ARL9: variants seen among roughly 807,000 people sequenced by gnomAD.
The protein encoded by ARL9 is ARF like GTPase 9.
In ARL9, 14 loss-of-function variants were observed where a neutral mutation model predicts 27.0. The ratio of observed to expected loss-of-function variants is 0.52; its 90% CI spans 0.34 to 0.81. The LOEUF (loss-of-function observed/expected upper bound fraction) is 0.81, where lower values mean the gene tolerates loss of function less well. Ranked by LOEUF, ARL9 falls within the 30% of genes least tolerant of loss-of-function variation. ARL9 has a pLI of 0.01. For synonymous variants in ARL9, 106 were observed against 108.7 expected (o/e 0.98, Z 0.15); for missense variants, 294 against 290.0 (o/e 1.01, Z -0.10).
At position 56,505,932 on chromosome 4, in the gene ARL9, G is replaced by C; in HGVS notation, c.70G>C (p.Gly24Arg). The C allele has an allele frequency of 1.6e-6, 2 of 1,236,968 alleles. No individual in the cohort carries two copies. The highest frequency in any genetic ancestry group is 2.0e-6 in the Non-Finnish European group (2 of 988,294). 76.6% of individuals were successfully genotyped at this position (1,236,968 alleles called of 1,614,324 possible). The change falls in exon 1 of 4, where the codon GGT becomes CGT. Residue 24 changes from glycine to arginine, a missense_variant. Coordinates refer to ENST00000640821, the MANE Select transcript of ARL9 (RefSeq NM_001363794.2). ...GCAGGAGGAGAAAATCGGAGAAAAGGGTAGGGAAGAGAAAGTGAAAAGAAA... is the reference window on the plus strand; with the variant it reads ...GCAGGAGGAGAAAATCGGAGAAAAGCGTAGGGAAGAGAAAGTGAAAAGAAA... Reference protein sequence around the residue: ...ETQEEKIGEKGREEKVKRKEV... With the variant: ...ETQEEKIGEKRREEKVKRKEV...
intron 1 of ARL9, among the ~76,000 whole-genome samples, chr4:56,510,774 CT>C (rs11320889): frequency 0.41 from 57,763 of 140,162 alleles, 11,136 homozygotes; most frequent in Admixed American, 0.46. Flanking sequence ...AGTTTTATCC[CT>C]TTTTTTTTTT....
chr4:56,518,817 C>T lies in ARL9; in HGVS notation c.582C>T (p.Asn194=), dbSNP rs1489622043. ...ACCTTCATCAGCTAATTGCAGCAAA[C>T]CCAGTACTTCCTCTGGTTGTGTTTG... ...KKYLHQLIAA[N]PVLPLVVFAN... Residue 194 remains asparagine (N), a synonymous_variant, in exon 3 of 4, where the codon AAC becomes AAT. Transcript: ENST00000640821. 25 of 1,613,960 alleles carry T rather than the reference C, an allele frequency of 1.5e-5. No individual in the cohort carries two copies. Among genetic ancestry groups the T allele is most frequent in the Non-Finnish European group, 2.0e-5 (24 of 1,179,860 alleles).
chr4:56,505,337 G>T (rs112971891), upstream of ARL9: 2,495 of 456,440 alleles, frequency 5.5e-3, 83 homozygotes, highest in South Asian at 0.035. Flanking sequence ...CAGGCTCATG[G>T]TTGGGAGCTG....
upstream of ARL9, chr4:56,505,467 G>A: frequency 2.1e-6 from 1 of 465,790 alleles, no homozygotes; most frequent in South Asian, 1.5e-5. Flanking sequence ...TGCTTAGACT[G>A]CGGCCCACGT....
intron 1 of ARL9, among the ~76,000 whole-genome samples, chr4:56,509,090 C>T (rs1721548886): frequency 1.3e-5 from 2 of 152,186 alleles, no homozygotes; most frequent in Non-Finnish European, 2.9e-5. Flanking sequence ...AACCACCTTT[C>T]AGAGCACCCT....
At chr4:56,507,732 G>A (rs914176872) in intron 1 of ARL9, among the ~76,000 whole-genome samples, 10 of 151,808 alleles carry the variant, frequency 6.6e-5, no homozygotes, top group Non-Finnish European at 1.2e-4. Flanking sequence ...CCGGCACTTT[G>A]GGAGGCCAAG....
At chr4:56,513,319 T>C (rs766467182) in intron 2 of ARL9, among the ~76,000 whole-genome samples, 4 of 152,208 alleles carry the variant, frequency 2.6e-5, no homozygotes, top group African/African-American at 9.6e-5. Context: ...GAAGTTTCAT[T>C]GTATAAGCCT....
At chr4:56,506,783 C>A in intron 1 of ARL9, 1 of 444,914 alleles carries the variant, frequency 2.2e-6, no homozygotes, top group Non-Finnish European at 2.9e-6. Context: ...ATGATTAACA[C>A]AGTTGTGTGT....
intron 2 of ARL9, among the ~76,000 whole-genome samples, chr4:56,513,547 G>T (rs941530382): frequency 2.0e-5 from 3 of 152,140 alleles, no homozygotes; most frequent in Non-Finnish European, 4.4e-5. Context: ...CGAAGAACTT[G>T]CAACAAGTTA....
intron 2 of ARL9, among the ~76,000 whole-genome samples, chr4:56,517,425 T>C (rs972266653): frequency 2.0e-5 from 3 of 152,226 alleles, no homozygotes; most frequent in African/African-American, 2.4e-5. Context: ...ACATGCTCTC[T>C]GTTGCAACCA....
chr4:56,511,150 G>T (rs571500061), intron 1 of ARL9, 35 bp from the exon 2 acceptor site: 1 of 1,498,032 alleles, frequency 6.7e-7, no homozygotes, highest in Non-Finnish European at 8.9e-7. Flanking sequence ...GCCCCTGATA[G>T]CATGGGCTTA....
chr4:56,515,578 C>A (rs1001019646), intron 2 of ARL9, among the ~76,000 whole-genome samples: 2 of 152,082 alleles, frequency 1.3e-5, no homozygotes, highest in African/African-American at 2.4e-5. Context: ...TACTTATTTA[C>A]AAATGATATA....
intron 2 of ARL9, among the ~76,000 whole-genome samples, chr4:56,512,346 G>T (rs1440853276): frequency 6.6e-6 from 1 of 151,912 alleles, no homozygotes; most frequent in Non-Finnish European, 1.5e-5. Flanking sequence ...GACTCATGAG[G>T]CTCTTCATAA....
intron 2 of ARL9, among the ~76,000 whole-genome samples, chr4:56,517,755 A>G (rs1412064504): frequency 6.6e-6 from 1 of 152,186 alleles, no homozygotes; most frequent in Admixed American, 6.5e-5. Flanking sequence ...GTGAAGAATC[A>G]GCAGGATGAA....
At chr4:56,506,220 T>A in intron 1 of ARL9, 79 bp downstream of exon 1, 4 of 1,222,368 alleles carry the variant, frequency 3.3e-6, no homozygotes, top group Non-Finnish European at 4.1e-6. Flanking sequence ...CTCTGTTACG[T>A]CGGAGGCCCC....
At chr4:56,508,075 C>T (rs887365672) in intron 1 of ARL9, among the ~76,000 whole-genome samples, 1 of 151,840 alleles carries the variant, frequency 6.6e-6, no homozygotes, top group African/African-American at 2.4e-5. Flanking sequence ...GAATATGTAT[C>T]TTAGAATGAA....
At chr4:56,513,258 C>T (rs1721687434) in intron 2 of ARL9, among the ~76,000 whole-genome samples, 1 of 152,124 alleles carries the variant, frequency 6.6e-6, no homozygotes, top group Non-Finnish European at 1.5e-5. Context: ...TCTGTATGGG[C>T]TGTTATGCTG....
In ARL9 at chr4:56,506,150, C is replaced by T; in HGVS notation, c.279+9C>T. The T allele has an allele frequency of 8.1e-7, 1 of 1,233,556 alleles. No homozygotes were observed. The highest frequency in any genetic ancestry group is 1.0e-6 in the Non-Finnish European group (1 of 989,116). The allele number at this position is 1,233,556 out of a possible 1,614,324, so 76.4% of individuals were successfully genotyped here. A position where few individuals can be genotyped will look rare whatever the true frequency, so the allele number is the denominator to read the frequency against. ...CCCCGCTCGAGCCGCTGGTAAGAGACCCAGTGCCCAGGACCCCTTGCCCCA... is the reference window on the plus strand; with the variant it reads ...CCCCGCTCGAGCCGCTGGTAAGAGATCCAGTGCCCAGGACCCCTTGCCCCA... On this transcript the variant is annotated intron_variant, in intron 1 of 3. Coordinates refer to ENST00000640821, the MANE Select transcript of ARL9 (RefSeq NM_001363794.2).
chr4:56,515,286 AT>A (rs1414747426), intron 2 of ARL9, among the ~76,000 whole-genome samples: 5 of 152,084 alleles, frequency 3.3e-5, no homozygotes, highest in Non-Finnish European at 5.9e-5. Flanking sequence ...TTTGAAAAAA[AT>A]ATGTCATTCA....
Sources: allele counts gnomAD v4.1 joint callset (sites outside exome capture counted in the v4.1 genomes callset), GRCh38; gene constraint gnomAD v4.1.1; transcripts MANE v1.5; gene names NCBI Gene and HGNC (gene_info 2026-07-23, HGNC 2026-07-21).